Variants in DLC1 observed in about 807,000 individuals in gnomAD.
DLC1 encodes rho GTPase-activating protein 7.
DLC1 carries 54 observed loss-of-function variants against 140.3 expected under a neutral mutation model. That is an observed-to-expected ratio of 0.38 (90% CI 0.31 to 0.48). The LOEUF (loss-of-function observed/expected upper bound fraction) is 0.48. DLC1 is among the 20% of genes least tolerant of loss of function. The pLI, the probability that DLC1 is intolerant of heterozygous loss-of-function variation, is 0.96. For synonymous variants in DLC1, 986 were observed against 728.1 expected, an observed-to-expected ratio of 1.35 and a Z score of -5.70; for missense variants, 2,536 against 1,907.0, an observed-to-expected ratio of 1.33 and a Z score of -6.14.
At chr8:13,410,098 C>T (rs772566589) in intron 2 of DLC1, among the ~76,000 whole-genome samples, 7 of 151,848 alleles carry the variant, frequency 4.6e-5, no homozygotes, top group South Asian at 2.1e-4. Flanking sequence ...GAAAAAAATA[C>T]GACAAGTAAA....
chr8:13,325,862 A>T (rs1833322441), intron 4 of DLC1, among the ~76,000 whole-genome samples: 1 of 152,202 alleles, frequency 6.6e-6, no homozygotes, highest in Admixed American at 6.5e-5. Context: ...ATATGTAATA[A>T]AGACTTAGTA....
intron 10 of DLC1, among the ~76,000 whole-genome samples, chr8:13,097,245 C>G (rs1039798560): frequency 1.2e-5 from 1 of 86,918 alleles, no homozygotes; most frequent in Admixed American, 1.6e-4. Context: ...TATTCACATC[C>G]AAATTTATTA....
chr8:13,211,884 A>C (rs558482010), intron 5 of DLC1, among the ~76,000 whole-genome samples: 1 of 152,336 alleles, frequency 6.6e-6, no homozygotes, highest in South Asian at 2.1e-4. Flanking sequence ...TGGCAGGTAA[A>C]ATAACTGTGT....
At chr8:13,479,858 AGAG>A (rs1563383612) in intron 2 of DLC1, among the ~76,000 whole-genome samples, 3 of 47,302 alleles carry the variant, frequency 6.3e-5, no homozygotes, top group Non-Finnish European at 1.0e-4. Context: ...AAGAAGAAGA[AGAG>A]AAAAAGAAAG....
intron 4 of DLC1, among the ~76,000 whole-genome samples, chr8:13,307,032 C>G (rs1832466110): frequency 7.4e-6 from 1 of 135,090 alleles, no homozygotes; most frequent in African/African-American, 2.8e-5. Flanking sequence ...TGCAGTGAGC[C>G]GAGACCACAC....
intron 7 of DLC1, among the ~76,000 whole-genome samples, chr8:13,106,175 G>A (rs975573571): frequency 1.3e-5 from 2 of 152,190 alleles, no homozygotes; most frequent in African/African-American, 2.4e-5. Flanking sequence ...AGCACAGCAG[G>A]TGGGGACCTG....
At chr8:13,560,005 C>T (rs1481593) in intron 1 of DLC1, among the ~76,000 whole-genome samples, 81,465 of 151,944 alleles carry the variant, frequency 0.54, 22,492 homozygotes, top group East Asian at 0.9. Context: ...ATTGGACTAG[C>T]GTCAGAAAAC....
intron 5 of DLC1, chr8:13,304,965 C>T (rs1287528642): frequency 1.9e-6 from 2 of 1,038,526 alleles, no homozygotes; most frequent in African/African-American, 1.7e-5. Flanking sequence ...TTTCCAAATT[C>T]ATTCCCCAGA....
intron 1 of DLC1, among the ~76,000 whole-genome samples, chr8:13,549,917 A>T (rs1223116703): frequency 6.6e-6 from 1 of 152,096 alleles, no homozygotes; most frequent in African/African-American, 2.4e-5. Flanking sequence ...TACAAACTAC[A>T]CGTGAATAGG....
Position 13,086,428 on chromosome 8 carries a change from G to A in DLC1, c.4328C>T (p.Ala1443Val), listed in dbSNP as rs374580879. 2 of 1,614,216 alleles carry A rather than the reference G, an allele frequency of 1.2e-6. No individual in the cohort carries two copies. Among genetic ancestry groups the A allele is most frequent in the Non-Finnish European group, 1.7e-6 (2 of 1,180,042 alleles). The change falls in exon 17 of 18, where the codon GCC (alanine) becomes GTC (valine). Residue 1443 changes from alanine (A) to valine (V), a missense_variant. Ala to Val is a moderately conservative substitution (Grantham distance 64). Transcript: ENST00000276297. ...GTGATCCACAGAGGTTAGTAAAAGG[G>A]CACAGGCTCCTTTGGGTAAATTAGT... ...WRTNLPKGAC[A>V]LLLTSVDHDR...
At chr8:13,517,678 T>C (rs1346190339), upstream of DLC1, among the ~76,000 whole-genome samples, 1 of 152,186 alleles carries the variant, frequency 6.6e-6, no homozygotes, top group Non-Finnish European at 1.5e-5. Context: ...CCAACTTCCT[T>C]AAATGTTTGA....
At chr8:13,176,518 G>T (rs1030250281) in intron 5 of DLC1, among the ~76,000 whole-genome samples, 4 of 152,270 alleles carry the variant, frequency 2.6e-5, no homozygotes, top group African/African-American at 9.6e-5. Context: ...GGTGGAGCTT[G>T]CAGTGAGCCA....
chr8:13,466,857 G>T (rs1799965241), intron 2 of DLC1, among the ~76,000 whole-genome samples: 1 of 151,630 alleles, frequency 6.6e-6, no homozygotes, highest in African/African-American at 2.4e-5. Context: ...TCATAATGAG[G>T]TACCGTTTTA....
chr8:13,342,159 T>A (rs2116988686), intron 4 of DLC1: 1 of 152,348 alleles, frequency 6.6e-6, no homozygotes, highest in Admixed American at 6.5e-5. Flanking sequence ...AGTTCTACAT[T>A]TTCCTCTGTG....
At chr8:13,406,628 GT>G (rs1479632836) in intron 2 of DLC1, among the ~76,000 whole-genome samples, 1 of 152,040 alleles carries the variant, frequency 6.6e-6, no homozygotes, top group Non-Finnish European at 1.5e-5. Context: ...CATATGACAT[GT>G]TTTCAAATCC....
chr8:13,237,455 T>G (rs1829340157), intron 5 of DLC1, among the ~76,000 whole-genome samples: 1 of 151,880 alleles, frequency 6.6e-6, no homozygotes, highest in Admixed American at 6.6e-5. Context: ...TCAGTTTTAT[T>G]ATGATGATTA....
chr8:13,356,382 C>G (rs1240252237), intron 4 of DLC1, among the ~76,000 whole-genome samples: 1 of 152,034 alleles, frequency 6.6e-6, no homozygotes, highest in African/African-American at 2.4e-5. Flanking sequence ...GAAAGATATT[C>G]AAAGCCGTTT....
chr8:13,199,212 T>G (rs1353726842), intron 5 of DLC1, among the ~76,000 whole-genome samples: 3 of 137,318 alleles, frequency 2.2e-5, no homozygotes, highest in Non-Finnish European at 4.6e-5. Context: ...TGAGACAAGA[T>G]CTTGCTGTGT....
chr8:13,594,212 A>G (rs1805613725), intron 1 of DLC1, among the ~76,000 whole-genome samples: 1 of 152,098 alleles, frequency 6.6e-6, no homozygotes, highest in Non-Finnish European at 1.5e-5. Flanking sequence ...AAACCTGAAT[A>G]AGAATAAACA....
Sources: gnomAD v4.1 joint callset for allele counts (sites outside exome capture counted in the v4.1 genomes callset) on GRCh38, gnomAD v4.1.1 for gene constraint, MANE v1.5 for transcripts, NCBI Gene and HGNC (gene_info 2026-07-23, HGNC 2026-07-21) for gene names.